The following FOLH1 variants were observed in gnomAD, a reference collection of about 807,000 sequenced individuals.
FOLH1 encodes glutamate carboxypeptidase 2.
Under a neutral mutation model 93.9 loss-of-function variants are expected in FOLH1, and 54 were observed. The observed-to-expected ratio is 0.57, with a 90% CI of 0.46 to 0.72. FOLH1 has a LOEUF of 0.72. Ranked by LOEUF, FOLH1 falls within the 30% of genes least tolerant of loss-of-function variation. The pLI, the probability that FOLH1 is intolerant of heterozygous loss-of-function variation, is 0.00. For synonymous variants in FOLH1, 249 were observed against 303.6 expected (o/e 0.82, Z 1.87); for missense variants, 571 against 892.5 (o/e 0.64, Z 4.59).
At chr11:49,187,079 G>C (rs1861485999) in intron 4 of FOLH1, among the ~76,000 whole-genome samples, 1 of 152,120 alleles carries the variant, frequency 6.6e-6, no homozygotes, top group Non-Finnish European at 1.5e-5. Flanking sequence ...TGTACACATT[G>C]CTGCACGCAA....
intron 13 of FOLH1, among the ~76,000 whole-genome samples, chr11:49,159,622 A>T (rs933686399): frequency 6.6e-6 from 1 of 152,126 alleles, no homozygotes; most frequent in African/African-American, 2.4e-5. Context: ...AAATTTTGGT[A>T]TTGGGATGAT....
Position 49,186,695 on chromosome 11 carries a change from G to A in FOLH1, c.588C>T (p.Cys196=), listed in dbSNP as rs1209896113. The A allele has an allele frequency of 6.2e-7, 1 of 1,613,354 alleles. No individual in the cohort carries two copies. The highest frequency in any genetic ancestry group is 1.1e-5 in the South Asian group (1 of 90,896). Residue 196 remains cysteine, a synonymous_variant, in exon 5 of 19, where the codon TGC becomes TGT. Transcript: ENST00000256999. ...FKLERDMKIN[C]SGKIVIARYG... Reference sequence around the variant, plus strand: ...ATCTGGCAATTACAATTTTCCCAGAGCAATTGATTTTCATGTCCCGTTCCA... The same window carrying A: ...ATCTGGCAATTACAATTTTCCCAGAACAATTGATTTTCATGTCCCGTTCCA...
chr11:49,161,805 T>C (rs1857732855), intron 13 of FOLH1, among the ~76,000 whole-genome samples: 1 of 152,234 alleles, frequency 6.6e-6, no homozygotes, highest in African/African-American at 2.4e-5. Flanking sequence ...ATAACTCTTG[T>C]TAAGACAGGT....
chr11:49,170,996 G>T (rs1227303942), intron 11 of FOLH1, among the ~76,000 whole-genome samples, 199 bp downstream of exon 11: 1 of 152,066 alleles, frequency 6.6e-6, no homozygotes, highest in African/African-American at 2.4e-5. Flanking sequence ...GGCTCTAAAA[G>T]GTTCAAACAA....
At chr11:49,173,206 C>T (rs1859575427) in intron 10 of FOLH1, 151 bp downstream of exon 10, 2 of 695,940 alleles carry the variant, frequency 2.9e-6, no homozygotes, top group Non-Finnish European at 4.3e-6. Context: ...AATAAATAAA[C>T]AATATAATTA....
At chr11:49,202,378 A>C (rs1459064830) in intron 2 of FOLH1, among the ~76,000 whole-genome samples, 2 of 152,166 alleles carry the variant, frequency 1.3e-5, no homozygotes, top group African/African-American at 4.8e-5. Flanking sequence ...GCTGCTTTAA[A>C]TGTGTTTCTA....
At chr11:49,151,473 G>A (rs895209394) in intron 17 of FOLH1, among the ~76,000 whole-genome samples, 10 of 152,236 alleles carry the variant, frequency 6.6e-5, no homozygotes, top group South Asian at 2.1e-4. Context: ...CTGTGTTAAC[G>A]TCTTATATTC....
chr11:49,161,498 A>G (rs2134977946), intron 13 of FOLH1, among the ~76,000 whole-genome samples: 1 of 152,016 alleles, frequency 6.6e-6, no homozygotes. Context: ...TCCTTCATCT[A>G]TTTATTTTGA....
intron 15 of FOLH1, among the ~76,000 whole-genome samples, chr11:49,156,335 A>C (rs1014780640): frequency 2.6e-5 from 4 of 152,186 alleles, no homozygotes; most frequent in Admixed American, 1.3e-4. Context: ...AAATACACTC[A>C]TTAATTTTGA....
chr11:49,206,631 AAATT>A (rs1864000498), intron 1 of FOLH1: 9 of 651,282 alleles, frequency 1.4e-5, no homozygotes, highest in Non-Finnish European at 2.3e-5. Flanking sequence ...TCAAATAAAT[AAATT>A]ATTTCCAAGT....
chr11:49,155,567 A>G (rs776413006), intron 15 of FOLH1: 18 of 239,336 alleles, frequency 7.5e-5, no homozygotes, highest in South Asian at 7.4e-4. Flanking sequence ...TTTTCTTTAT[A>G]ACATAAAATT....
chr11:49,185,998 C>T lies in FOLH1; in HGVS notation c.640-143G>A, dbSNP rs1290887351. ...ATTAGGCCTACAACAAAGGACATCT[C>T]GGATAGAATTTCCCTTTTCTTTTTG... On this transcript the variant is annotated intron_variant, in intron 5 of 18. Coordinates refer to ENST00000256999, the MANE Select transcript of FOLH1 (RefSeq NM_004476.3). The T allele has an allele frequency of 1.0e-5, 11 of 1,099,440 alleles. No homozygotes were observed. The Admixed American group carries it at 1.1e-4, about 11-fold the overall frequency. 68.1% of individuals were successfully genotyped at this position (1,099,440 alleles called of 1,614,324 possible). A position where few individuals can be genotyped will look rare whatever the true frequency, so the allele number is the denominator to read the frequency against.
At chr11:49,207,948 C>CAGACAAAACA (rs1555014961) in intron 1 of FOLH1, 1 of 494,730 alleles carries the variant, frequency 2.0e-6, no homozygotes, top group Non-Finnish European at 3.9e-6. Flanking sequence ...AACAAACAAA[C>CAGACAAAACA]AAACAAAACA....
At chr11:49,161,854 A>G (rs10839233) in intron 13 of FOLH1, among the ~76,000 whole-genome samples, 74,725 of 151,994 alleles carry the variant, frequency 0.49, 20,817 homozygotes, top group Admixed American at 0.62. Context: ...GCTTGTCTTG[A>G]AAGAATCTTA....
chr11:49,183,463 T>C (rs910459060), intron 6 of FOLH1, among the ~76,000 whole-genome samples: 1 of 152,102 alleles, frequency 6.6e-6, no homozygotes, highest in African/African-American at 2.4e-5. Flanking sequence ...AGGTAACTCT[T>C]TTGAAAAGCA....
intron 4 of FOLH1, among the ~76,000 whole-genome samples, chr11:49,189,106 C>T (rs1861731770): frequency 6.6e-6 from 1 of 152,034 alleles, no homozygotes; most frequent in African/African-American, 2.4e-5. Context: ...AGATGTTTTT[C>T]ATTTATAAAA....
intron 3 of FOLH1, among the ~76,000 whole-genome samples, chr11:49,197,769 C>G (rs1448429149): frequency 2.0e-5 from 3 of 152,024 alleles, no homozygotes; most frequent in Non-Finnish European, 4.4e-5. Flanking sequence ...AGGGAGCTGA[C>G]TTGTCACAAT....
intron 5 of FOLH1, among the ~76,000 whole-genome samples, chr11:49,186,255 A>C (rs552172673): frequency 6.6e-6 from 1 of 152,236 alleles, no homozygotes; most frequent in Non-Finnish European, 1.5e-5. Context: ...TAAATTTGCT[A>C]TGTGTAAATT....
chr11:49,167,235 G>T (rs1314191675), intron 12 of FOLH1, among the ~76,000 whole-genome samples: 1 of 152,164 alleles, frequency 6.6e-6, no homozygotes, highest in Non-Finnish European at 1.5e-5. Flanking sequence ...TTTACTCTGT[G>T]CAAGGCACAG....
Sources: allele counts gnomAD v4.1 joint callset (sites outside exome capture counted in the v4.1 genomes callset), GRCh38; gene constraint gnomAD v4.1.1; transcripts MANE v1.5; gene names NCBI Gene and HGNC (gene_info 2026-07-23, HGNC 2026-07-21).